Variants in STARD13 observed in about 807,000 individuals in gnomAD.
The protein encoded by STARD13 is stAR-related lipid transfer protein 13.
Under a neutral mutation model 106.4 loss-of-function variants are expected in STARD13, and 62 were observed. The observed-to-expected ratio is 0.58, with a 90% confidence interval of 0.48 to 0.72. The LOEUF (loss-of-function observed/expected upper bound fraction) is 0.72. Ranked by LOEUF, STARD13 falls within the 30% of genes least tolerant of loss-of-function variation. The pLI is 0.00. For synonymous variants in STARD13, 565 were observed against 553.0 expected (o/e 1.02, Z -0.31); for missense variants, 1,387 against 1,424.0 (o/e 0.97, Z 0.42).
At chr13:33,349,238 C>A in intron 1 of STARD13, 1 of 702,348 alleles carries the variant, frequency 1.4e-6, no homozygotes, top group Non-Finnish European at 2.6e-6. Flanking sequence ...ACAGAGGCAA[C>A]AAGGTCCAGA....
the STARD13 span, among the ~76,000 whole-genome samples, chr13:33,596,826 C>T: frequency 1.3e-5 from 2 of 152,142 alleles, no homozygotes; most frequent in South Asian, 2.1e-4. Context: ...CCTAACATAA[C>T]GACCTACAGT....
chr13:33,441,503 C>T, the STARD13 span, among the ~76,000 whole-genome samples: 1 of 152,136 alleles, frequency 6.6e-6, no homozygotes, highest in Non-Finnish European at 1.5e-5. Flanking sequence ...GCCTCATTTC[C>T]TCATCAGTAA....
chr13:33,258,243 G>A (rs753732917), intron 1 of STARD13, among the ~76,000 whole-genome samples: 1 of 152,192 alleles, frequency 6.6e-6, no homozygotes, highest in Non-Finnish European at 1.5e-5. Context: ...ATCTGGCGTA[G>A]TTAAAGCAAG....
At chr13:33,257,533 G>A (rs1191043157) in intron 1 of STARD13, among the ~76,000 whole-genome samples, 2 of 152,140 alleles carry the variant, frequency 1.3e-5, no homozygotes, top group African/African-American at 2.4e-5. Flanking sequence ...GAGCCCTGGA[G>A]CCTGAAGACA....
intron 8 of STARD13, among the ~76,000 whole-genome samples, chr13:33,114,469 G>A (rs574600868): frequency 4.6e-5 from 7 of 152,310 alleles, no homozygotes; most frequent in Non-Finnish European, 8.8e-5. Context: ...TGTCCATTGT[G>A]TACTGGCACA....
intron 1 of STARD13, among the ~76,000 whole-genome samples, chr13:33,244,267 G>A (rs1158195845): frequency 6.6e-6 from 1 of 151,938 alleles, no homozygotes; most frequent in Admixed American, 6.6e-5. Context: ...CAAGAGATAG[G>A]AAACTAAAGC....
At chr13:33,334,524 A>G (rs893145655) in intron 1 of STARD13, among the ~76,000 whole-genome samples, 1 of 152,180 alleles carries the variant, frequency 6.6e-6, no homozygotes, top group Non-Finnish European at 1.5e-5. Context: ...GGCCTGACAC[A>G]CAGCGGACCC....
the STARD13 span, among the ~76,000 whole-genome samples, chr13:33,622,917 TAAA>T: frequency 1.6e-5 from 2 of 121,822 alleles, no homozygotes; most frequent in Admixed American, 8.6e-5. Context: ...AAACTCTGTC[TAAA>T]AAAAAAAAAA....
chr13:33,170,772 G>T (rs1363039286), intron 1 of STARD13, among the ~76,000 whole-genome samples: 1 of 152,092 alleles, frequency 6.6e-6, no homozygotes, highest in Non-Finnish European at 1.5e-5. Context: ...CCTAGCTGCA[G>T]TCCCAACATC....
chr13:33,248,257 G>T (rs531849160), intron 1 of STARD13, among the ~76,000 whole-genome samples: 22 of 152,046 alleles, frequency 1.4e-4, no homozygotes, highest in African/African-American at 5.3e-4. Context: ...AAATTAGCTG[G>T]GTGTGGTGGC....
chr13:33,432,013 C>A, the STARD13 span, among the ~76,000 whole-genome samples: 2 of 152,122 alleles, frequency 1.3e-5, no homozygotes, highest in Admixed American at 6.5e-5. Context: ...TCAGAGTAAG[C>A]CAGGTAGAGA....
chr13:33,667,839 C>T, the STARD13 span, among the ~76,000 whole-genome samples: 5 of 152,222 alleles, frequency 3.3e-5, no homozygotes, highest in Non-Finnish European at 7.3e-5. Flanking sequence ...CCTTACATAT[C>T]TTAAGTTCAG....
intron 1 of STARD13, among the ~76,000 whole-genome samples, chr13:33,187,475 T>C (rs975364204): frequency 2.0e-5 from 3 of 152,188 alleles, no homozygotes; most frequent in Admixed American, 6.5e-5. Context: ...AAAAGTCTGA[T>C]TGGGCAAACC....
chr13:33,349,432 TA>T (rs1304596252), intron 1 of STARD13, among the ~76,000 whole-genome samples: 3 of 152,168 alleles, frequency 2.0e-5, no homozygotes, highest in Admixed American at 6.5e-5. Context: ...TAAAGTGTCC[TA>T]AAGCTCCCAG....
At chr13:33,342,680 G>A (rs994239599) in intron 1 of STARD13, among the ~76,000 whole-genome samples, 1 of 152,050 alleles carries the variant, frequency 6.6e-6, no homozygotes, top group Admixed American at 6.6e-5. Flanking sequence ...ACAGAGGCAC[G>A]AGCCACCATG....
rs112934415 is a variant in STARD13, at chr13:33,295,704, CGG to C, written c.124+54584_124+54585del. 2.7e-3 allele frequency among the ~76,000 whole-genome samples: 411 copies of C among 151,250 alleles called. 2 individuals carry two copies. Among genetic ancestry groups the C allele is most frequent in the African/African-American group, 9.5e-3 (391 of 41,184 alleles). On this transcript the variant is annotated intron_variant, in intron 1 of 5. Coordinates refer to the STARD13 transcript ENST00000567873. ...ATGACAGAGGTGTGCAGAGGGTGCCCGGGGGGGGCAGAGGAGAGACGACTAAG... is the reference window on the plus strand; with the variant it reads ...ATGACAGAGGTGTGCAGAGGGTGCCCGGGGGGCAGAGGAGAGACGACTAAG...
the STARD13 span, among the ~76,000 whole-genome samples, chr13:33,664,533 C>T: frequency 1.3e-5 from 2 of 152,118 alleles, no homozygotes; most frequent in African/African-American, 4.8e-5. Context: ...TTGAAGAAAT[C>T]GATTTCACTC....
At chr13:33,186,895 C>T (rs927833886) in intron 1 of STARD13, among the ~76,000 whole-genome samples, 1 of 152,146 alleles carries the variant, frequency 6.6e-6, no homozygotes, top group South Asian at 2.1e-4. Flanking sequence ...CAGAAAGCCC[C>T]GCGTTCCTAG....
chr13:33,585,290 A>T, the STARD13 span, among the ~76,000 whole-genome samples: 1 of 152,248 alleles, frequency 6.6e-6, no homozygotes. Flanking sequence ...TATGCCCTAA[A>T]AAACTGAAGG....
Sources: allele counts gnomAD v4.1 joint callset (sites outside exome capture counted in the v4.1 genomes callset), GRCh38; gene constraint gnomAD v4.1.1; transcripts MANE v1.5; gene names NCBI Gene and HGNC (gene_info 2026-07-23, HGNC 2026-07-21).